CHD7: variants seen among roughly 807,000 people sequenced by gnomAD.
CHD7 encodes chromodomain helicase DNA binding protein 7, also known as ATP-dependent chromatin remodeler CHD7.
Under a neutral mutation model 307.3 loss-of-function variants are expected in CHD7, and 24 were observed. The ratio of observed to expected loss-of-function variants is 0.08; its 90% CI spans 0.06 to 0.11. CHD7 has a LOEUF of 0.11. CHD7 is among the 10% of genes least tolerant of loss of function. The pLI, the probability that CHD7 is intolerant of heterozygous loss-of-function variation, is 1.00. For synonymous variants in CHD7, 1,363 were observed against 1,349.9 expected (o/e 1.01, Z -0.21); for missense variants, 3,106 against 3,727.1 (o/e 0.83, Z 4.34).
At chr8:60,806,249 G>T (rs139002866) in intron 6 of CHD7, among the ~76,000 whole-genome samples, 6 of 152,274 alleles carry the variant, frequency 3.9e-5, no homozygotes, top group Non-Finnish European at 8.8e-5. Flanking sequence ...TGTAGTCCCA[G>T]CTACTCAGGA....
At chr8:60,806,880 T>C (rs1478407048) in intron 6 of CHD7, among the ~76,000 whole-genome samples, 1 of 152,006 alleles carries the variant, frequency 6.6e-6, no homozygotes, top group Non-Finnish European at 1.5e-5. Flanking sequence ...TGTGTGCCCG[T>C]AGTCCCAGCT....
rs919504278 is a variant in CHD7 at position 60,864,672 on chromosome 8, G to T, written c.8077-344G>T. Reference sequence around the variant, plus strand: ...TTATTGTTGACTGTGTAGTCACCCTGTTGTGTTATCAAAAACTAGATCTTA... The same window carrying T: ...TTATTGTTGACTGTGTAGTCACCCTTTTGTGTTATCAAAAACTAGATCTTA... On this transcript the variant is annotated intron_variant, in intron 37 of 37. Coordinates refer to ENST00000423902, the MANE Select transcript of CHD7 (RefSeq NM_017780.4). 9.6e-5 allele frequency: 26 copies of T among 272,148 alleles called. No homozygotes were observed. In the East Asian group the frequency reaches 2.1e-3, roughly 22 times the overall value. 16.9% of individuals were successfully genotyped at this position (272,148 alleles called of 1,614,324 possible). A position where few individuals can be genotyped will look rare whatever the true frequency, so the allele number is the denominator to read the frequency against.
chr8:60,865,870 G>A lies in CHD7; in HGVS notation c.8931G>A (p.Gln2977=), dbSNP rs1345852721. Residue 2977 remains glutamine (Q), a synonymous_variant, in exon 38 of 38, where the codon CAG becomes CAA. Coordinates refer to ENST00000423902, the MANE Select transcript of CHD7 (RefSeq NM_017780.4). The surrounding 1 kb of genome is among the most constrained non-coding windows in gnomAD (Gnocchi z 4.3). ...CCCTCTTAGAAGACGAAATAGCACAGGGTGAAGAGCTAGACTCACTTGATG... is the reference window on the plus strand; with the variant it reads ...CCCTCTTAGAAGACGAAATAGCACAAGGTGAAGAGCTAGACTCACTTGATG... ...ESSLLEDEIA[Q]GEELDSLDGG... 3 of 1,612,142 alleles carry A rather than the reference G, an allele frequency of 1.9e-6. No homozygotes were observed. Among genetic ancestry groups the A allele is most frequent in the Non-Finnish European group, 2.5e-6 (3 of 1,179,090 alleles).
At chr8:60,761,921 A>G (rs1810227121) in intron 2 of CHD7, among the ~76,000 whole-genome samples, 1 of 152,164 alleles carries the variant, frequency 6.6e-6, no homozygotes, top group Non-Finnish European at 1.5e-5. Flanking sequence ...TCTTCTAGAG[A>G]ACTGGGCCCA....
intron 1 of CHD7, among the ~76,000 whole-genome samples, chr8:60,679,326 C>T (rs1805443019): frequency 6.8e-6 from 1 of 146,562 alleles, no homozygotes; most frequent in South Asian, 2.1e-4. Context: ...CCGAGCGCCG[C>T]CCGGCGCCCC....
At chr8:60,855,858 G>T (rs1251805132) in intron 32 of CHD7, 117 bp from the exon 33 acceptor site, 2 of 659,442 alleles carry the variant, frequency 3.0e-6, no homozygotes, top group Non-Finnish European at 5.2e-6. Flanking sequence ...TTTACTTTTT[G>T]TCCTCCAGTT....
chr8:60,684,412 G>T (rs1250755887), intron 1 of CHD7, among the ~76,000 whole-genome samples: 5 of 152,182 alleles, frequency 3.3e-5, no homozygotes, highest in Admixed American at 3.3e-4. Context: ...GCTATGAATT[G>T]TCAATATAGT....
At chr8:60,800,236 G>T (rs1288082886) in intron 4 of CHD7, among the ~76,000 whole-genome samples, 152 bp from the exon 5 acceptor site, 1 of 152,086 alleles carries the variant, frequency 6.6e-6, no homozygotes, top group South Asian at 2.1e-4. Flanking sequence ...GTTTCACCAT[G>T]TTAGCCAGGA....
intron 12 of CHD7, 74 bp from the exon 13 acceptor site, chr8:60,823,766 A>G (rs1185718779): frequency 8.4e-7 from 1 of 1,189,360 alleles, no homozygotes; most frequent in Non-Finnish European, 1.2e-6. Flanking sequence ...CGTATGTTTT[A>G]TGCTATTTAT....
At chr8:60,688,473 A>G (rs889861500) in intron 1 of CHD7, among the ~76,000 whole-genome samples, 2 of 152,240 alleles carry the variant, frequency 1.3e-5, no homozygotes, top group African/African-American at 2.4e-5. Context: ...TGAGTGGCCT[A>G]AAATGGTGAC....
chr8:60,754,441 T>C (rs1809787559), intron 2 of CHD7, among the ~76,000 whole-genome samples: 2 of 152,254 alleles, frequency 1.3e-5, no homozygotes, highest in Admixed American at 1.3e-4. Flanking sequence ...TAACTACTGT[T>C]GTAGTGATTA....
chr8:60,756,225 G>A (rs1371963356), intron 2 of CHD7, among the ~76,000 whole-genome samples: 2 of 152,170 alleles, frequency 1.3e-5, no homozygotes, highest in Non-Finnish European at 2.9e-5. Flanking sequence ...GCCAGTGTAA[G>A]CTTTGTGTTT....
At position 60,710,264 on chromosome 8, in the gene CHD7, G is replaced by A. The variant is rs550393640; in HGVS notation, c.-174-30995G>A. 2.0e-4 allele frequency among the ~76,000 whole-genome samples: 30 copies of A among 150,004 alleles called. 1 individual carries two copies. The South Asian group carries it at 5.5e-3, about 27-fold the overall frequency. On this transcript the variant is annotated intron_variant, in intron 1 of 37. Coordinates refer to ENST00000423902, the MANE Select transcript of CHD7 (RefSeq NM_017780.4). ...TTTTTTTTTTTTGGTCATACTCATG[G>A]TGATAGTCCAAGTAGCTGTATTCGG... is the stretch of plus-strand genomic sequence containing the variant.
At chr8:60,744,937 G>A (rs1021724420) in intron 2 of CHD7, among the ~76,000 whole-genome samples, 2 of 151,136 alleles carry the variant, frequency 1.3e-5, no homozygotes, top group African/African-American at 4.8e-5. Flanking sequence ...TCCTAAGCTG[G>A]GCTGAGGGAG....
Position 60,722,794 on chromosome 8 carries a change from A to G in CHD7, c.-174-18465A>G, listed in dbSNP as rs535565443. Among the ~76,000 whole-genome samples the G allele has an allele frequency of 3.9e-5, 6 of 152,344 alleles. No homozygotes were observed. The South Asian group carries it at 1.2e-3, about 32-fold the overall frequency. On this transcript the variant is annotated intron_variant, in intron 1 of 37. Coordinates refer to ENST00000423902, the MANE Select transcript of CHD7 (RefSeq NM_017780.4). ...CTGTTACAATATGTTATTTCAGTTG[A>G]AGAACATGAAGAAAATCTGGTCTCA...
intron 1 of CHD7, among the ~76,000 whole-genome samples, chr8:60,692,813 C>T (rs763329562): frequency 6.6e-6 from 1 of 152,176 alleles, no homozygotes; most frequent in Non-Finnish European, 1.5e-5. Context: ...TTCCTACCCC[C>T]TCAATATAGC....
At chr8:60,850,463 GT>G (rs1210873709) in intron 25 of CHD7, 29 bp from the exon 26 acceptor site, 5 of 1,581,668 alleles carry the variant, frequency 3.2e-6, no homozygotes. Flanking sequence ...GTTTCTGTGT[GT>G]TTTCTGTGCA....
chr8:60,830,514 C>G lies in CHD7; in HGVS notation c.3715C>G (p.Pro1239Ala). The change falls in exon 15 of 38, where the codon CCT becomes GCT. Residue 1239 changes from proline to alanine, a missense_variant. Transcript: ENST00000423902. ...LSKGGGQANVPNLLNTMMELR... is the reference protein window; with the variant it reads ...LSKGGGQANVANLLNTMMELR... ...CAAAGGCGGTGGTCAAGCTAACGTACCTAACCTATTAAACACTATGATGGA... is the reference window on the plus strand; with the variant it reads ...CAAAGGCGGTGGTCAAGCTAACGTAGCTAACCTATTAAACACTATGATGGA... 6.2e-7 allele frequency: 1 copy of G among 1,613,892 alleles called. No individual in the cohort carries two copies. The highest frequency in any genetic ancestry group is 8.5e-7 in the Non-Finnish European group (1 of 1,179,824).
intron 25 of CHD7, among the ~76,000 whole-genome samples, chr8:60,849,901 G>T (rs1404780637): frequency 6.6e-6 from 1 of 152,148 alleles, no homozygotes; most frequent in African/African-American, 2.4e-5. Context: ...TCATTTTCCC[G>T]CAGTGCACTG....
Sources: gnomAD v4.1 joint callset for allele counts (sites outside exome capture counted in the v4.1 genomes callset) on GRCh38, gnomAD v4.1.1 for gene constraint, Gnocchi (gnomAD v3.1) non-coding constraint, MANE v1.5 for transcripts, NCBI Gene and HGNC (gene_info 2026-07-23, HGNC 2026-07-21) for gene names.